The following TRPV1 variants were observed in gnomAD, a reference collection of about 807,000 sequenced individuals.
The protein encoded by TRPV1 is transient receptor potential cation channel subfamily V member 1, also known as OTRPC1.
Under a neutral mutation model 82.3 loss-of-function variants are expected in TRPV1, and 82 were observed. That is an observed-to-expected ratio of 1.00 (90% CI 0.83 to 1.20). The LOEUF (loss-of-function observed/expected upper bound fraction) is 1.20. Ranked by LOEUF, TRPV1 falls within the 50% of genes most tolerant of loss-of-function variation. The probability of loss-of-function intolerance (pLI) is 0.00; values close to 1 mark genes in which losing one functional copy is unlikely to be tolerated. For synonymous variants in TRPV1, 515 were observed against 467.7 expected, an observed-to-expected ratio of 1.10 and a Z score of -1.30; for missense variants, 1,067 against 1,096.8, an observed-to-expected ratio of 0.97 and a Z score of 0.38.
At chr17:3,578,817 C>T (rs779069485) in intron 11 of TRPV1, 3 of 152,042 alleles carry the variant, frequency 2.0e-5, no homozygotes, top group African/African-American at 7.3e-5. Flanking sequence ...AAAAGTGGTA[C>T]GTATATACCA....
chr17:3,578,419 G>C (rs1057306766), intron 11 of TRPV1: 2 of 152,196 alleles, frequency 1.3e-5, no homozygotes, highest in African/African-American at 4.8e-5. Context: ...CAGAACTTTG[G>C]GAGGCAGATC....
intron 9 of TRPV1, among the ~76,000 whole-genome samples, chr17:3,584,410 AAAAAAATAAAAT>A (rs369176501): frequency 0.41 from 51,422 of 126,022 alleles, 13,165 homozygotes; most frequent in East Asian, 0.73. Flanking sequence ...CTCAAAAAAA[AAAAAAATAAAAT>A]AAAAAAAAAA....
At chr17:3,585,614 G>A (rs1427569186) in intron 9 of TRPV1, 154 bp downstream of exon 9, 19 of 900,266 alleles carry the variant, frequency 2.1e-5, no homozygotes, top group African/African-American at 3.3e-5. Flanking sequence ...GCAGGGATAC[G>A]AGGTTCTCCA....
At chr17:3,601,741 T>G (rs1252690169) in intron 2 of TRPV1, 3 of 148,572 alleles carry the variant, frequency 2.0e-5, no homozygotes, top group Admixed American at 6.8e-5. Flanking sequence ...GGACTACAGG[T>G]GTGCACCACC....
chr17:3,590,497 A>G (rs895687213), intron 5 of TRPV1, 105 bp from the exon 6 acceptor site: 7 of 1,497,666 alleles, frequency 4.7e-6, no homozygotes, highest in African/African-American at 2.8e-5. Context: ...TGCAGGAGGA[A>G]CTGGGCAGAA....
chr17:3,608,437 G>A lies in TRPV1; in HGVS notation c.-44C>T, dbSNP rs2075313553. The A allele has an allele frequency of 1.3e-5, 2 of 152,070 alleles. No homozygotes were observed. Among genetic ancestry groups the A allele is most frequent in the South Asian group, 4.1e-4 (2 of 4,822 alleles). 9.4% of individuals were successfully genotyped at this position (152,070 alleles called of 1,614,324 possible). ...TAAAAAAAGACTGACCTGAACAGAA[G>A]CACTGTGATACCAGGACGGGCGATC... On this transcript the variant is annotated 5_prime_UTR_variant, in exon 2 of 17. Transcript: ENST00000572705.
chr17:3,585,654 G>A, intron 9 of TRPV1, 114 bp downstream of exon 9: 2 of 1,322,310 alleles, frequency 1.5e-6, no homozygotes, highest in Non-Finnish European at 1.0e-6. Context: ...CCGCAAGCTG[G>A]GAAGGAGTCC....
chr17:3,604,085 G>A (rs2075281880), intron 2 of TRPV1, among the ~76,000 whole-genome samples: 1 of 152,264 alleles, frequency 6.6e-6, no homozygotes. Flanking sequence ...CCGGGTCTTG[G>A]CCTCCCCTGC....
chr17:3,569,268 A>AC (rs1337112536), intron 16 of TRPV1, among the ~76,000 whole-genome samples: 1 of 150,332 alleles, frequency 6.7e-6, no homozygotes, highest in Non-Finnish European at 1.5e-5. Flanking sequence ...AAGTATAATA[A>AC]AAAAAAAAAT....
At chr17:3,568,195 G>C (rs538596401) in intron 16 of TRPV1, among the ~76,000 whole-genome samples, 2 of 151,520 alleles carry the variant, frequency 1.3e-5, no homozygotes, top group Non-Finnish European at 3.0e-5. Context: ...AGTGGCGGGC[G>C]CCTGTAGTCC....
At chr17:3,595,806 C>T (rs202216651) in intron 2 of TRPV1, 6 of 152,186 alleles carry the variant, frequency 3.9e-5, no homozygotes, top group South Asian at 2.1e-4. Flanking sequence ...AGTCGACAAA[C>T]GCTGAATCTA....
At position 3,591,912 on chromosome 17, in the gene TRPV1, G is replaced by A. The variant is rs149917619; in HGVS notation, c.284+155C>T. ...CAGCCCCCGTGACTGCACATCCCAC[G>A]AGGTCACATGAGGAAGGACGCTGGA... On this transcript the variant is annotated intron_variant, in intron 3 of 16. Coordinates refer to ENST00000572705, the MANE Select transcript of TRPV1 (RefSeq NM_080704.4). Among the ~76,000 whole-genome samples, 267 of 152,274 alleles carry A rather than the reference G, an allele frequency of 1.8e-3. 1 individual carries two copies. Among genetic ancestry groups the A allele is most frequent in the Non-Finnish European group, 3.4e-3 (231 of 68,022 alleles).
chr17:3,583,993 G>A (rs1001911905), intron 9 of TRPV1, among the ~76,000 whole-genome samples: 7 of 152,054 alleles, frequency 4.6e-5, no homozygotes, highest in African/African-American at 1.4e-4. Flanking sequence ...GTCACTGGCC[G>A]GGTGCAGTGG....
intron 2 of TRPV1, among the ~76,000 whole-genome samples, chr17:3,598,209 T>C (rs1423245399): frequency 2.6e-5 from 4 of 152,166 alleles, no homozygotes; most frequent in African/African-American, 9.7e-5. Context: ...CAACAAGCCG[T>C]AGGGCAGGTC....
rs2075072231 is a variant in TRPV1 at position 3,585,426 on chromosome 17, C to A, written c.1383+342G>T. 4 of 233,238 alleles carry A rather than the reference C, an allele frequency of 1.7e-5. No individual in the cohort carries two copies. In the Admixed American group the frequency reaches 2.0e-4, roughly 12 times the overall value. The allele number at this position is 233,238 out of a possible 1,614,324, so 14.4% of individuals were successfully genotyped here. A position where few individuals can be genotyped will look rare whatever the true frequency, so the allele number is the denominator to read the frequency against. ...TCAGCCTCCCAAAGTGCTGGGATTA[C>A]AGGCATGAGCCACCATGCCCGGCCC... On this transcript the variant is annotated intron_variant, in intron 9 of 16. Transcript: ENST00000572705.
At chr17:3,569,963 G>GGTCAGGGAGGAGGGGCCAAGT (rs2074827906) in intron 16 of TRPV1, among the ~76,000 whole-genome samples, 2 of 95,962 alleles carry the variant, frequency 2.1e-5, no homozygotes, top group East Asian at 3.6e-4. Context: ...AGGGGCCAAG[G>GGTCAGGGAGGAGGGGCCAAGT]GGTCAGGGAG....
chr17:3,599,060 T>C (rs1054631920), intron 2 of TRPV1, among the ~76,000 whole-genome samples: 1 of 151,138 alleles, frequency 6.6e-6, no homozygotes, highest in African/African-American at 2.4e-5. Flanking sequence ...ACCAACATGG[T>C]GAAACCCCAT....
intron 14 of TRPV1, among the ~76,000 whole-genome samples, chr17:3,573,286 C>G (rs1157204494): frequency 6.6e-6 from 1 of 152,166 alleles, no homozygotes; most frequent in Non-Finnish European, 1.5e-5. Context: ...GAGCCCTCCC[C>G]CTTCTTCCCT....
chr17:3,572,811 C>T (rs552998229), intron 14 of TRPV1, among the ~76,000 whole-genome samples: 23 of 152,118 alleles, frequency 1.5e-4, no homozygotes, highest in African/African-American at 5.1e-4. Context: ...GGTGAAACCC[C>T]ATCTCTACTA....
Sources: allele counts gnomAD v4.1 joint callset (sites outside exome capture counted in the v4.1 genomes callset), GRCh38; gene constraint gnomAD v4.1.1; transcripts MANE v1.5; gene names NCBI Gene and HGNC (gene_info 2026-07-23, HGNC 2026-07-21).